ABCA5: variants seen among roughly 807,000 people sequenced by gnomAD.
ABCA5 encodes ATP binding cassette subfamily A member 5.
ABCA5 carries 163 observed loss-of-function variants against 206.0 expected under a neutral mutation model. The ratio of observed to expected loss-of-function variants is 0.79; its 90% CI spans 0.70 to 0.90. The LOEUF (loss-of-function observed/expected upper bound fraction) is 0.90. Among genes scored for constraint, ABCA5 ranks in the 40% least tolerant of loss-of-function variants. ABCA5 has a pLI of 0.00. For synonymous variants in ABCA5, 609 were observed against 613.8 expected, an observed-to-expected ratio of 0.99 and a Z score of 0.11; for missense variants, 1,859 against 1,912.9, an observed-to-expected ratio of 0.97 and a Z score of 0.53.
At chr17:69,284,778 T>C (rs2075432003) in intron 17 of ABCA5, among the ~76,000 whole-genome samples, 1 of 152,202 alleles carries the variant, frequency 6.6e-6, no homozygotes, top group South Asian at 2.1e-4. Flanking sequence ...TGGAAAACAC[T>C]GTATAATCAT....
At position 69,255,799 on chromosome 17, in the gene ABCA5, C is replaced by A; in HGVS notation, c.3910G>T (p.Asp1304Tyr). ...TTTACTTTTCTTGAAAGAAGAAAAT[C>A]TTTCTTGTCATCATATTCTTTATGC... ...NLHKEYDDKK[D>Y]FLLSRKVKKV... The change falls in exon 30 of 39, where the codon GAT becomes TAT. Residue 1304 changes from aspartate (D) to tyrosine (Y), a missense_variant. By Grantham distance (160) the Asp-to-Tyr change is radical (BLOSUM62 -3). Transcript: ENST00000392676. 1 of 1,594,894 alleles carries A rather than the reference C, an allele frequency of 6.3e-7. No homozygotes were observed. The highest frequency in any genetic ancestry group is 1.1e-5 in the South Asian group (1 of 86,966).
At chr17:69,256,434 C>T in intron 28 of ABCA5, 151 bp from the exon 29 acceptor site, 1 of 405,056 alleles carries the variant, frequency 2.5e-6, no homozygotes, top group Non-Finnish European at 4.1e-6. Context: ...AGCGATATTT[C>T]TTTTTTTTTC....
At chr17:69,250,350 CAGAG>C in intron 36 of ABCA5, 118 bp downstream of exon 36, 9 of 698,834 alleles carry the variant, frequency 1.3e-5, no homozygotes, top group Non-Finnish European at 1.9e-5. Flanking sequence ...TATTCACACA[CAGAG>C]ATATATATAT....
chr17:69,295,608 A>T (rs1257013245), intron 10 of ABCA5, among the ~76,000 whole-genome samples: 1 of 152,200 alleles, frequency 6.6e-6, no homozygotes, highest in African/African-American at 2.4e-5. Context: ...CTGCATCTTC[A>T]CATTTGTTTA....
At chr17:69,283,866 A>AT (rs1274675055) in intron 18 of ABCA5, 87 bp downstream of exon 18, 15 of 1,337,566 alleles carry the variant, frequency 1.1e-5, no homozygotes, top group East Asian at 8.7e-5. Context: ...TTCTAAAAAA[A>AT]ATATAAAATT....
chr17:69,295,401 C>G (rs1350440940), intron 10 of ABCA5, among the ~76,000 whole-genome samples: 1 of 152,080 alleles, frequency 6.6e-6, no homozygotes, highest in African/African-American at 2.4e-5. Flanking sequence ...AGCAAGAACC[C>G]TGAGACATTA....
At chr17:69,298,276 GAA>G (rs1162397060) in intron 9 of ABCA5, among the ~76,000 whole-genome samples, 7 of 123,294 alleles carry the variant, frequency 5.7e-5, no homozygotes, top group African/African-American at 2.4e-4. Context: ...AGGAAGGAAG[GAA>G]GGAAGGGAGG....
rs1227620905 is a variant in ABCA5 at position 69,264,823 on chromosome 17, A to G, written c.3227T>C (p.Leu1076Ser). ...CATCAAAATAAGAATGATAAAAAATAAGGGGATATCAACAACAGCTTGTCC... is the reference window on the plus strand; with the variant it reads ...CATCAAAATAAGAATGATAAAAAATGAGGGGATATCAACAACAGCTTGTCC... ...WIGQAVVDIP[L>S]FFIILILMLG... The change falls in exon 24 of 39, where the codon TTA (leucine) becomes TCA (serine). Residue 1076 changes from leucine (L) to serine (S), a missense_variant. Coordinates refer to ENST00000392676, the MANE Select transcript of ABCA5 (RefSeq NM_172232.4). 1 of 1,601,966 alleles carries G rather than the reference A, an allele frequency of 6.2e-7. No homozygotes were observed. The highest frequency in any genetic ancestry group is 1.3e-5 in the African/African-American group (1 of 74,662).
Position 69,253,841 on chromosome 17 carries a change from G to A in ABCA5, c.4273C>T (p.His1425Tyr), listed in dbSNP as rs780614063. The A allele has an allele frequency of 6.2e-7, 1 of 1,612,242 alleles. No individual in the cohort carries two copies. Among genetic ancestry groups the A allele is most frequent in the Admixed American group, 1.7e-5 (1 of 59,918 alleles). Reference sequence around the variant, plus strand: ...AGTTTCTTTACAGTCTTCTGAAGATGTTCTTTTAAATCAAGTGCATGTGTT... The same window carrying A: ...AGTTTCTTTACAGTCTTCTGAAGATATTCTTTTAAATCAAGTGCATGTGTT... Reference protein sequence around the residue: ...RITHALDLKEHLQKTVKKLPA... With the variant: ...RITHALDLKEYLQKTVKKLPA... The change falls in exon 33 of 39, where the codon CAT (histidine) becomes TAT (tyrosine). Residue 1425 changes from histidine (H) to tyrosine (Y), a missense_variant. By Grantham distance (83) the His-to-Tyr change is moderately conservative (BLOSUM62 2). Coordinates refer to ENST00000392676, the MANE Select transcript of ABCA5 (RefSeq NM_172232.4).
At chr17:69,286,424 C>T in intron 15 of ABCA5, 113 bp from the exon 16 acceptor site, 2 of 931,018 alleles carry the variant, frequency 2.1e-6, no homozygotes, top group Non-Finnish European at 3.2e-6. Context: ...TATCATTAAT[C>T]ATCACAAAAA....
intron 1 of ABCA5, among the ~76,000 whole-genome samples, chr17:69,319,763 A>C (rs1163056095): frequency 6.6e-6 from 1 of 152,202 alleles, no homozygotes; most frequent in Non-Finnish European, 1.5e-5. Flanking sequence ...TCTTCCCAAT[A>C]TATTTTCATT....
At chr17:69,247,841 A>G (rs1368234333) in intron 38 of ABCA5, among the ~76,000 whole-genome samples, 197 bp from the exon 39 acceptor site, 3 of 152,042 alleles carry the variant, frequency 2.0e-5, no homozygotes, top group Non-Finnish European at 4.4e-5. Context: ...AGATTAATAG[A>G]TATGTTTTTT....
intron 20 of ABCA5, among the ~76,000 whole-genome samples, chr17:69,271,575 G>A (rs1455607176): frequency 6.6e-6 from 1 of 152,140 alleles, no homozygotes; most frequent in Admixed American, 6.5e-5. Flanking sequence ...ATCATCCTGA[G>A]AATTAAATGA....
chr17:69,261,319 G>A, intron 25 of ABCA5, 60 bp from the exon 26 acceptor site: 2 of 1,477,346 alleles, frequency 1.4e-6, no homozygotes, highest in South Asian at 2.6e-5. Flanking sequence ...TTACAAATTG[G>A]TGTCTACGCA....
At chr17:69,248,636 C>T (rs561621919) in intron 37 of ABCA5, 19 of 208,634 alleles carry the variant, frequency 9.1e-5, no homozygotes, top group African/African-American at 4.4e-4. Context: ...TCTCCAACTC[C>T]ACTGTAGCCT....
Position 69,320,874 on chromosome 17 carries a change from C to T in ABCA5, c.-16+6178G>A, listed in dbSNP as rs553398372. Among the ~76,000 whole-genome samples the T allele has an allele frequency of 2.2e-4, 34 of 152,286 alleles. 1 individual carries two copies. The South Asian group carries it at 7.0e-3, about 32-fold the overall frequency. ...AAACACTAACTCTACCCTATAAATT[C>T]TTTGCAAATGATGAGGTGCTGGGGA... is the stretch of plus-strand genomic sequence containing the variant. On this transcript the variant is annotated intron_variant, in intron 1 of 38. Coordinates refer to ENST00000392676, the MANE Select transcript of ABCA5 (RefSeq NM_172232.4).
chr17:69,323,940 G>C (rs192805687), intron 1 of ABCA5, among the ~76,000 whole-genome samples: 34 of 152,234 alleles, frequency 2.2e-4, no homozygotes, highest in African/African-American at 7.9e-4. Context: ...TCAAATTTCA[G>C]TGTCTATAAA....
At chr17:69,250,642 A>C in intron 35 of ABCA5, 21 bp from the exon 36 acceptor site, 1 of 1,519,764 alleles carries the variant, frequency 6.6e-7, no homozygotes, top group Non-Finnish European at 8.8e-7. Flanking sequence ...TTTTTAAAAG[A>C]AAGCTCAGAT....
Position 69,273,189 on chromosome 17 carries a change from TAG to T in ABCA5, c.2764+768_2764+769del, listed in dbSNP as rs1239717900. ...CCATTACAAATCTAATATATTCAAT[TAG>T]AGATATTTATATTTAAGTCTTATTT... is the stretch of plus-strand genomic sequence containing the variant. On this transcript the variant is annotated intron_variant, in intron 20 of 38. Transcript: ENST00000392676. Among the ~76,000 whole-genome samples the T allele has an allele frequency of 5.3e-5, 8 of 152,134 alleles. No homozygotes were observed. The East Asian group carries it at 1.5e-3, about 29-fold the overall frequency.
Sources: gnomAD v4.1 joint callset for allele counts (sites outside exome capture counted in the v4.1 genomes callset) on GRCh38, gnomAD v4.1.1 for gene constraint, MANE v1.5 for transcripts, NCBI Gene and HGNC (gene_info 2026-07-23, HGNC 2026-07-21) for gene names.